Variants in RBMS3 observed in about 807,000 individuals in gnomAD.
RBMS3 encodes RNA-binding motif, single-stranded-interacting protein 3.
A neutral mutation model predicts 66.8 loss-of-function variants in RBMS3; 27 were observed. The ratio of observed to expected loss-of-function variants is 0.40; its 90% CI spans 0.30 to 0.56. The LOEUF (loss-of-function observed/expected upper bound fraction) is 0.56, where lower values mean the gene tolerates loss of function less well. Among genes scored for constraint, RBMS3 ranks in the 20% least tolerant of loss-of-function variants. RBMS3 has a pLI of 0.40. For synonymous variants in RBMS3, 188 were observed against 183.0 expected, an observed-to-expected ratio of 1.03 and a Z score of -0.22; for missense variants, 513 against 549.5, an observed-to-expected ratio of 0.93 and a Z score of 0.66.
At chr3:29,547,425 T>C (rs1421589721) in intron 3 of RBMS3, among the ~76,000 whole-genome samples, 1 of 152,110 alleles carries the variant, frequency 6.6e-6, no homozygotes, top group Non-Finnish European at 1.5e-5. Context: ...GCAGCTGATC[T>C]ATCATTACTC....
At chr3:29,862,212 A>T (rs2059232842) in intron 6 of RBMS3, among the ~76,000 whole-genome samples, 1 of 152,200 alleles carries the variant, frequency 6.6e-6, no homozygotes, top group African/African-American at 2.4e-5. Context: ...GATCTGGTTA[A>T]AATATAGATT....
chr3:29,812,916 G>A lies in RBMS3; in HGVS notation c.637+49927G>A, dbSNP rs922794337. On this transcript the variant is annotated intron_variant, in intron 6 of 14. Coordinates refer to ENST00000383767, the MANE Select transcript of RBMS3 (RefSeq NM_001003793.3). ...GCTTACTAATCATATGTGCATCTGTGTATGCATATCACAGATGTACAACGC... is the reference window on the plus strand; with the variant it reads ...GCTTACTAATCATATGTGCATCTGTATATGCATATCACAGATGTACAACGC... 3.3e-5 allele frequency among the ~76,000 whole-genome samples: 5 copies of A among 151,904 alleles called. No individual in the cohort carries two copies. The East Asian group carries it at 9.7e-4, about 29-fold the overall frequency.
At chr3:29,359,031 C>T (rs867397210) in intron 1 of RBMS3, among the ~76,000 whole-genome samples, 1 of 152,096 alleles carries the variant, frequency 6.6e-6, no homozygotes, top group Non-Finnish European at 1.5e-5. Flanking sequence ...AATTGAATGC[C>T]CTTTCTTTCT....
intron 1 of RBMS3, among the ~76,000 whole-genome samples, chr3:29,421,628 A>G (rs2040740222): frequency 6.6e-6 from 1 of 152,158 alleles, no homozygotes; most frequent in Non-Finnish European, 1.5e-5. Flanking sequence ...TCTAAGAATG[A>G]CTTCCCTTAT....
At chr3:29,637,469 G>T (rs905253355) in intron 4 of RBMS3, among the ~76,000 whole-genome samples, 3 of 151,796 alleles carry the variant, frequency 2.0e-5, no homozygotes, top group Non-Finnish European at 4.4e-5. Flanking sequence ...CCCAAACTTT[G>T]CTATAACTTG....
chr3:29,990,980 A>T lies in RBMS3; in HGVS notation c.1180-102A>T. 3 of 1,100,964 alleles carry T rather than the reference A, an allele frequency of 2.7e-6. No homozygotes were observed. In the Admixed American group the frequency reaches 6.3e-5, roughly 23 times the overall value. 68.2% of individuals were successfully genotyped at this position (1,100,964 alleles called of 1,614,324 possible). On this transcript the variant is annotated intron_variant, in intron 13 of 14. Transcript: ENST00000383767. ...ATTGTGACTTCATGTAGCTGAGGGTATCTCTACTTAAGCCAAATAGAAGAG... is the reference window on the plus strand; with the variant it reads ...ATTGTGACTTCATGTAGCTGAGGGTTTCTCTACTTAAGCCAAATAGAAGAG...
rs1403331725 is a variant in RBMS3 at position 29,760,270 on chromosome 3, TAC to T, written c.558-2629_558-2628del. On this transcript the variant is annotated intron_variant, in intron 5 of 14. Transcript: ENST00000383767. ...TAGAATAAACACACACACACACACA[TAC>T]ACACACACACCCCTACACACACACA... Among the ~76,000 whole-genome samples the T allele has an allele frequency of 8.6e-5, 12 of 139,628 alleles. No individual in the cohort carries two copies. In the South Asian group the frequency reaches 2.5e-3, roughly 29 times the overall value. The allele number at this position is 139,628 out of a possible 152,430, so 91.6% of individuals were successfully genotyped here.
At chr3:29,594,673 A>C (rs944379049) in intron 4 of RBMS3, among the ~76,000 whole-genome samples, 1 of 152,212 alleles carries the variant, frequency 6.6e-6, no homozygotes, top group Non-Finnish European at 1.5e-5. Context: ...TTACATGTCT[A>C]TAAAATATTT....
At chr3:29,373,809 G>A (rs2038328525) in intron 1 of RBMS3, among the ~76,000 whole-genome samples, 1 of 152,202 alleles carries the variant, frequency 6.6e-6, no homozygotes, top group South Asian at 2.1e-4. Flanking sequence ...TTGTATAGGG[G>A]TGGGTAGTGT....
At chr3:29,840,944 A>G (rs1246481167) in intron 6 of RBMS3, among the ~76,000 whole-genome samples, 1 of 152,012 alleles carries the variant, frequency 6.6e-6, no homozygotes. Flanking sequence ...TAAGAAAAAG[A>G]TTCTGTAAAT....
chr3:29,359,389 G>T (rs1399016905), intron 1 of RBMS3, among the ~76,000 whole-genome samples: 3 of 152,158 alleles, frequency 2.0e-5, no homozygotes, highest in Admixed American at 6.5e-5. Context: ...GCATCCCAGG[G>T]ATGAAGCCCA....
intron 1 of RBMS3, among the ~76,000 whole-genome samples, chr3:29,305,242 A>G (rs976434907): frequency 6.6e-6 from 1 of 151,946 alleles, no homozygotes; most frequent in African/African-American, 2.4e-5. Context: ...CCATTGTTTT[A>G]CCATATTTTA....
chr3:29,841,103 A>G (rs950331514), intron 6 of RBMS3, among the ~76,000 whole-genome samples: 1 of 151,680 alleles, frequency 6.6e-6, no homozygotes, highest in Non-Finnish European at 1.5e-5. Context: ...GAGTTTGATC[A>G]TTTTTCATTC....
chr3:29,769,221 C>T (rs17551375), intron 6 of RBMS3, among the ~76,000 whole-genome samples: 16,694 of 151,704 alleles, frequency 0.11, 1,070 homozygotes, highest in Admixed American at 0.16. Context: ...AAGACAAGAA[C>T]GGTGGCATGG....
chr3:29,586,653 G>A lies in RBMS3; in HGVS notation c.308-461G>A, dbSNP rs542710538. Reference sequence around the variant, plus strand: ...CATGTATTTATTGAATGCCTACTGTGTGCCAAGCACTACTGCAGTTGCTGA... The same window carrying A: ...CATGTATTTATTGAATGCCTACTGTATGCCAAGCACTACTGCAGTTGCTGA... On this transcript the variant is annotated intron_variant, in intron 3 of 14. Transcript: ENST00000383767. Among the ~76,000 whole-genome samples the A allele has an allele frequency of 7.2e-5, 11 of 152,186 alleles. 1 individual carries two copies. In the South Asian group the frequency reaches 2.3e-3, roughly 32 times the overall value.
chr3:29,411,833 G>C (rs1039630115), intron 1 of RBMS3, among the ~76,000 whole-genome samples: 2 of 152,178 alleles, frequency 1.3e-5, no homozygotes, highest in African/African-American at 4.8e-5. Context: ...ATTGACTGGA[G>C]TTTTTATTGT....
intron 5 of RBMS3, among the ~76,000 whole-genome samples, chr3:29,742,759 G>A (rs547556292): frequency 6.6e-6 from 1 of 152,272 alleles, no homozygotes; most frequent in South Asian, 2.1e-4. Context: ...TGGATGACTA[G>A]ATATGTGGCT....
chr3:29,780,927 A>G (rs759408065), intron 6 of RBMS3, among the ~76,000 whole-genome samples: 2 of 152,070 alleles, frequency 1.3e-5, no homozygotes, highest in Non-Finnish European at 2.9e-5. Flanking sequence ...TATATTCTTA[A>G]GATACTATGT....
At chr3:29,745,885 T>C (rs2054870255) in intron 5 of RBMS3, among the ~76,000 whole-genome samples, 1 of 137,234 alleles carries the variant, frequency 7.3e-6, no homozygotes, top group South Asian at 2.6e-4. Context: ...AGTTTTTCTT[T>C]CTTTTCATTA....
Sources: gnomAD v4.1 joint callset for allele counts (sites outside exome capture counted in the v4.1 genomes callset) on GRCh38, gnomAD v4.1.1 for gene constraint, MANE v1.5 for transcripts, NCBI Gene and HGNC (gene_info 2026-07-23, HGNC 2026-07-21) for gene names.